IKBKE: variants seen among roughly 807,000 people sequenced by gnomAD.
The protein encoded by IKBKE is inhibitor of nuclear factor kappa B kinase subunit epsilon.
In IKBKE, 45 loss-of-function variants were observed where a neutral mutation model predicts 92.1. The ratio of observed to expected loss-of-function variants is 0.49; its 90% CI spans 0.38 to 0.63. The LOEUF (loss-of-function observed/expected upper bound fraction) is 0.63, where lower values mean the gene tolerates loss of function less well. Ranked by LOEUF, IKBKE falls within the 20% of genes least tolerant of loss-of-function variation. IKBKE has a pLI of 0.00. For synonymous variants in IKBKE, 374 were observed against 380.3 expected (o/e 0.98, Z 0.19); for missense variants, 700 against 932.8 (o/e 0.75, Z 3.25).
chr1:206,471,194 T>A lies in IKBKE; in HGVS notation c.-84T>A, dbSNP rs1297568821. 2.0e-5 allele frequency: 3 copies of A among 151,974 alleles called. No individual in the cohort carries two copies. The highest frequency in any genetic ancestry group is 4.8e-5 in the African/African-American group (2 of 41,302). The allele number at this position is 151,974 out of a possible 1,614,324, so 9.4% of individuals were successfully genotyped here. A position where few individuals can be genotyped will look rare whatever the true frequency, so the allele number is the denominator to read the frequency against. ...CGTGCCACAGACAGAAAGCATAACA[T>A]ACACTCGCCAGGAAGAGCCTTTGCC... On this transcript the variant is annotated 5_prime_UTR_variant, in exon 2 of 22. Coordinates refer to ENST00000581977, the MANE Select transcript of IKBKE (RefSeq NM_014002.4).
chr1:206,473,143 G>T lies in IKBKE; in HGVS notation c.-32-53G>T, dbSNP rs1173500462. On this transcript the variant is annotated intron_variant, in intron 2 of 21. Coordinates refer to ENST00000581977, the MANE Select transcript of IKBKE (RefSeq NM_014002.4). ...ACAGTTACAGGTCAGGCCACCAGCG[G>T]CCACCCTGTGCCAGGAATGGAATCC... is the stretch of plus-strand genomic sequence containing the variant. 3 of 1,097,368 alleles carry T rather than the reference G, an allele frequency of 2.7e-6. No homozygotes were observed. The South Asian group carries it at 4.0e-5, about 15-fold the overall frequency. 68.0% of individuals were successfully genotyped at this position (1,097,368 alleles called of 1,614,324 possible). A position where few individuals can be genotyped will look rare whatever the true frequency, so the allele number is the denominator to read the frequency against.
In IKBKE at chr1:206,478,880, C is replaced by T; in HGVS notation, c.993-63C>T. On this transcript the variant is annotated intron_variant, in intron 9 of 21. Coordinates refer to ENST00000581977, the MANE Select transcript of IKBKE (RefSeq NM_014002.4). This position sits in a 1 kb window ranked among gnomAD's most constrained non-coding sequence, Gnocchi z 4.8. ...ACGCTTAGCTGGGGCTTAGGTCACC[C>T]TAGCCCCCTGCCTTGCCTACTGACA... is the stretch of plus-strand genomic sequence containing the variant. 9 of 1,276,390 alleles carry T rather than the reference C, an allele frequency of 7.1e-6. No individual in the cohort carries two copies. Among genetic ancestry groups the T allele is most frequent in the South Asian group, 1.2e-5 (1 of 84,410 alleles). 79.1% of individuals were successfully genotyped at this position (1,276,390 alleles called of 1,614,324 possible). A position where few individuals can be genotyped will look rare whatever the true frequency, so the allele number is the denominator to read the frequency against.
At chr1:206,494,592 C>CTTTTTTTTTTTTTTT (rs58971788) in intron 21 of IKBKE, among the ~76,000 whole-genome samples, 10 of 63,906 alleles carry the variant, frequency 1.6e-4, no homozygotes, top group African/African-American at 2.3e-4. Flanking sequence ...AAAGTTCTTT[C>CTTTTTTTTTTTTTTT]TTTTTTTTTT....
chr1:206,489,400 T>G (rs112280165), intron 16 of IKBKE, among the ~76,000 whole-genome samples: 11,586 of 110,442 alleles, frequency 0.1, 1,141 homozygotes, highest in East Asian at 0.49. Context: ...TATATATATA[T>G]ACACACACAC....
rs1188622132 is a variant in IKBKE, at chr1:206,485,994, C to A, written c.1616+688C>A. Among the ~76,000 whole-genome samples, 1 of 152,254 alleles carries A rather than the reference C, an allele frequency of 6.6e-6. No homozygotes were observed. The highest frequency in any genetic ancestry group is 1.5e-5 in the Non-Finnish European group (1 of 68,048). ...ATTCTCTGCTGGTGCCTACTGTAAT[C>A]TGGGCCTATCCCCATCCATCATCCC... On this transcript the variant is annotated intron_variant, in intron 15 of 21. Transcript: ENST00000581977. The surrounding 1 kb of genome is among the most constrained non-coding windows in gnomAD (Gnocchi z 5.0).
intron 20 of IKBKE, among the ~76,000 whole-genome samples, chr1:206,493,623 T>C (rs1553391314): frequency 6.6e-6 from 1 of 152,224 alleles, no homozygotes; most frequent in Non-Finnish European, 1.5e-5. Context: ...ACCCCATCTC[T>C]GGTAAAAATA....
At position 206,476,667 on chromosome 1, in the gene IKBKE, C is replaced by T; in HGVS notation, c.541-11C>T. 3 of 1,614,128 alleles carry T rather than the reference C, an allele frequency of 1.9e-6. No individual in the cohort carries two copies. Among genetic ancestry groups the T allele is most frequent in the South Asian group, 1.1e-5 (1 of 91,058 alleles). On this transcript the variant is annotated splice_polypyrimidine_tract_variant and intron_variant, in intron 6 of 21. Transcript: ENST00000581977. This position sits in a 1 kb window ranked among gnomAD's most constrained non-coding sequence, Gnocchi z 5.1. ...CCGGCTCCATGGCCTCATTCTGGTT[C>T]TCTCCGGCAGCATCCCGACATGTAT...
chr1:206,474,556 T>A lies in IKBKE; in HGVS notation c.228+85T>A, dbSNP rs113751571. Reference sequence around the variant, plus strand: ...ATCAGGCCACATGATAACAGAGATTTGGTCCCATGCTCATCAGCAGGTCAG... The same window carrying A: ...ATCAGGCCACATGATAACAGAGATTAGGTCCCATGCTCATCAGCAGGTCAG... On this transcript the variant is annotated intron_variant, in intron 4 of 21. Coordinates refer to ENST00000581977, the MANE Select transcript of IKBKE (RefSeq NM_014002.4). 55 of 1,376,292 alleles carry A rather than the reference T, an allele frequency of 4.0e-5. No homozygotes were observed. In the African/African-American group the frequency reaches 4.9e-4, roughly 12 times the overall value. 85.3% of individuals were successfully genotyped at this position (1,376,292 alleles called of 1,614,324 possible). A position where few individuals can be genotyped will look rare whatever the true frequency, so the allele number is the denominator to read the frequency against.
chr1:206,489,361 GTGTGTGTGTATATATA>G (rs1665820616), intron 16 of IKBKE, among the ~76,000 whole-genome samples: 3 of 27,490 alleles, frequency 1.1e-4, no homozygotes, highest in Non-Finnish European at 3.4e-4. Flanking sequence ...GTGTGTGTGT[GTGTGTGTGTATATATA>G]TATATATATA....
Position 206,480,176 on chromosome 1 carries a change from G to T in IKBKE, c.1340+63G>T, listed in dbSNP as rs1418283305. 10 of 972,754 alleles carry T rather than the reference G, an allele frequency of 1.0e-5. No individual in the cohort carries two copies. The East Asian group carries it at 2.3e-4, about 23-fold the overall frequency. 60.3% of individuals were successfully genotyped at this position (972,754 alleles called of 1,614,324 possible). A position where few individuals can be genotyped will look rare whatever the true frequency, so the allele number is the denominator to read the frequency against. ...GGGCAGGAGAGGGAGGCGGACAGGA[G>T]GGGGAGTGGGCAGGAAGGGGAGATG... On this transcript the variant is annotated intron_variant, in intron 12 of 21. Coordinates refer to ENST00000581977, the MANE Select transcript of IKBKE (RefSeq NM_014002.4).
intron 5 of IKBKE, among the ~76,000 whole-genome samples, chr1:206,475,707 A>G (rs912686155): frequency 9.1e-5 from 13 of 143,622 alleles, no homozygotes; most frequent in African/African-American, 3.7e-4. Context: ...ACTGTACTCC[A>G]GCCTATGTGT....
intron 5 of IKBKE, among the ~76,000 whole-genome samples, chr1:206,475,486 G>C (rs1665010719): frequency 6.6e-6 from 1 of 152,190 alleles, no homozygotes. Context: ...TGTAATCCCA[G>C]CACTTTGGGA....
rs1665924985 is a variant in IKBKE at position 206,491,019 on chromosome 1, A to G, written c.1733+161A>G. ...GTTATCTGGGGCCAGGGGAGGGAGT[A>G]TGCATAGCTTAGTTGGAGGGAGACT... On this transcript the variant is annotated intron_variant, in intron 17 of 21. Coordinates refer to ENST00000581977, the MANE Select transcript of IKBKE (RefSeq NM_014002.4). 7.4e-6 allele frequency: 5 copies of G among 678,810 alleles called. No homozygotes were observed. The Middle Eastern group carries it at 1.2e-3, about 157-fold the overall frequency. 42.0% of individuals were successfully genotyped at this position (678,810 alleles called of 1,614,324 possible).
In IKBKE at chr1:206,480,099, G is replaced by T. The variant is rs782242908; in HGVS notation, c.1326G>T (p.Gly442=). 5 of 1,582,398 alleles carry T rather than the reference G, an allele frequency of 3.2e-6. No homozygotes were observed. The East Asian group carries it at 9.1e-5, about 29-fold the overall frequency. Residue 442 remains glycine (G), a synonymous_variant, in exon 12 of 22, where the codon GGG becomes GGT. Transcript: ENST00000581977. ...LLDGQELMFR[G]LHWVMEVLQA... Reference sequence around the variant, plus strand: ...ATGGGCAGGAGCTAATGTTTCGGGGGCTGCACTGGGTCATGTGAGTAATCA... The same window carrying T: ...ATGGGCAGGAGCTAATGTTTCGGGGTCTGCACTGGGTCATGTGAGTAATCA...
rs782242787 is a variant in IKBKE, at chr1:206,479,034, G to A, written c.1084G>A (p.Glu362Lys). 1.9e-5 allele frequency: 31 copies of A among 1,613,834 alleles called. No individual in the cohort carries two copies. The highest frequency in any genetic ancestry group is 2.4e-5 in the Non-Finnish European group (28 of 1,180,000). ...YLFEGHLCVLEPSVSAQHIAH... is the reference protein window; with the variant it reads ...YLFEGHLCVLKPSVSAQHIAH... ...CTTTGAGGGTCACCTCTGTGTCCTCGAGCCCAGCGTCTCAGCACAGCACAT... is the reference window on the plus strand; with the variant it reads ...CTTTGAGGGTCACCTCTGTGTCCTCAAGCCCAGCGTCTCAGCACAGCACAT... The change falls in exon 10 of 22, where the codon GAG (glutamate) becomes AAG (lysine). Residue 362 changes from glutamate to lysine, a missense_variant. Coordinates refer to ENST00000581977, the MANE Select transcript of IKBKE (RefSeq NM_014002.4).
Position 206,490,608 on chromosome 1 carries a change from C to T in IKBKE, c.1694-211C>T, listed in dbSNP as rs1349178321. On this transcript the variant is annotated intron_variant, in intron 16 of 21. Coordinates refer to ENST00000581977, the MANE Select transcript of IKBKE (RefSeq NM_014002.4). This position sits in a 1 kb window ranked among gnomAD's most constrained non-coding sequence, Gnocchi z 5.2. Reference sequence around the variant, plus strand: ...TCCCCTGGGGCCCTCACACAATTTCCCCATGGCTTCTTGAGGCCCTGGCTT... The same window carrying T: ...TCCCCTGGGGCCCTCACACAATTTCTCCATGGCTTCTTGAGGCCCTGGCTT... 1.3e-5 allele frequency among the ~76,000 whole-genome samples: 2 copies of T among 152,222 alleles called. No individual in the cohort carries two copies. The highest frequency in any genetic ancestry group is 1.9e-4 in the East Asian group (1 of 5,200).
At chr1:206,484,903 TG>T in intron 13 of IKBKE, 93 bp from the exon 14 acceptor site, 1 of 1,000,380 alleles carries the variant, frequency 1.0e-6, no homozygotes, top group East Asian at 2.4e-5. Flanking sequence ...GTCCCACAGA[TG>T]CTATGCCCAG....
intron 16 of IKBKE, among the ~76,000 whole-genome samples, chr1:206,489,307 A>G (rs1665814240): frequency 6.8e-6 from 1 of 146,054 alleles, no homozygotes; most frequent in Non-Finnish European, 1.5e-5. Context: ...TTTATAACAC[A>G]TCTCTATTGG....
intron 2 of IKBKE, chr1:206,472,715 A>G (rs1217620150): frequency 1.6e-5 from 3 of 191,196 alleles, no homozygotes; most frequent in East Asian, 3.7e-4. Context: ...GGGCTGGGGG[A>G]GTGGCTCTGG....
Sources: allele counts gnomAD v4.1 joint callset (sites outside exome capture counted in the v4.1 genomes callset), GRCh38; gene constraint gnomAD v4.1.1; non-coding constraint Gnocchi (gnomAD v3.1); transcripts MANE v1.5; gene names NCBI Gene and HGNC (gene_info 2026-07-23, HGNC 2026-07-21).